The following PALLD variants were observed in gnomAD, a reference collection of about 807,000 sequenced individuals.
The protein encoded by PALLD is palladin.
PALLD carries 61 observed loss-of-function variants against 123.5 expected under a neutral mutation model. The observed-to-expected ratio is 0.49, with a 90% CI of 0.40 to 0.61. The LOEUF (loss-of-function observed/expected upper bound fraction) is 0.61. Ranked by LOEUF, PALLD falls within the 20% of genes least tolerant of loss-of-function variation. The pLI, the probability that PALLD is intolerant of heterozygous loss-of-function variation, is 0.00. For missense variants in PALLD, 1,273 were observed against 1,377.0 expected (o/e 0.92, Z 1.20); for synonymous variants, 465 against 496.4 (o/e 0.94, Z 0.84).
chr4:168,813,656 C>T (rs973655279), intron 10 of PALLD, among the ~76,000 whole-genome samples: 1 of 152,158 alleles, frequency 6.6e-6, no homozygotes, highest in African/African-American at 2.4e-5. Context: ...TTGGGGGTCT[C>T]ACTGTGTTGC....
At chr4:168,783,144 A>G (rs1736191213) in intron 10 of PALLD, among the ~76,000 whole-genome samples, 1 of 151,998 alleles carries the variant, frequency 6.6e-6, no homozygotes. Context: ...GCAGAAAGCA[A>G]AAGATACCTT....
chr4:168,762,568 C>T (rs1733096764), intron 10 of PALLD, among the ~76,000 whole-genome samples: 1 of 152,212 alleles, frequency 6.6e-6, no homozygotes, highest in African/African-American at 2.4e-5. Flanking sequence ...TGCTTTTACA[C>T]TGTTGGTGGG....
intron 10 of PALLD, among the ~76,000 whole-genome samples, chr4:168,819,914 G>C (rs910596346): frequency 5.3e-5 from 8 of 152,176 alleles, no homozygotes; most frequent in Non-Finnish European, 1.0e-4. Context: ...AATCGTGCAG[G>C]GTCTCATAAA....
chr4:168,552,335 A>G (rs1766823920), intron 2 of PALLD, among the ~76,000 whole-genome samples: 1 of 152,134 alleles, frequency 6.6e-6, no homozygotes. Context: ...GTTGGTGAGA[A>G]ACAAGCAGGT....
chr4:168,600,074 C>CACACATATATACATACATGTGTAT lies in PALLD; in HGVS notation c.909-68111_909-68110insTATATACATACATGTGTATACACA, dbSNP rs1561291315. Among the ~76,000 whole-genome samples, 167 of 64,508 alleles carry CACACATATATACATACATGTGTAT rather than the reference C, an allele frequency of 2.6e-3. 4 individuals are homozygous for CACACATATATACATACATGTGTAT. Among genetic ancestry groups the CACACATATATACATACATGTGTAT allele is most frequent in the African/African-American group, 9.0e-3 (162 of 17,942 alleles). The allele number at this position is 64,508 out of a possible 152,430, so 42.3% of individuals were successfully genotyped here. ...ACACATATATACATACATGTGTATA[C>CACACATATATACATACATGTGTAT]ACACACATATATACATGCATGTGTA... On this transcript the variant is annotated intron_variant, in intron 2 of 21. Coordinates refer to ENST00000505667, the MANE Select transcript of PALLD (RefSeq NM_001166108.2).
At chr4:168,758,050 G>A (rs940933994) in intron 10 of PALLD, among the ~76,000 whole-genome samples, 3 of 152,158 alleles carry the variant, frequency 2.0e-5, no homozygotes, top group Admixed American at 6.5e-5. Context: ...CAGCCTGGGC[G>A]ACAGAGCGAG....
chr4:168,684,564 C>T (rs1033826446), intron 5 of PALLD, among the ~76,000 whole-genome samples: 2 of 152,148 alleles, frequency 1.3e-5, no homozygotes, highest in Non-Finnish European at 2.9e-5. Context: ...TCCTGAAGAT[C>T]CAGTGAGTTA....
At chr4:168,883,222 T>C (rs2151150352) in intron 10 of PALLD, among the ~76,000 whole-genome samples, 1 of 152,354 alleles carries the variant, frequency 6.6e-6, no homozygotes, top group East Asian at 1.9e-4. Flanking sequence ...AAGTTACCCA[T>C]TTTTTGTACT....
intron 2 of PALLD, among the ~76,000 whole-genome samples, chr4:168,588,654 C>A (rs951928173): frequency 6.6e-6 from 1 of 152,064 alleles, no homozygotes; most frequent in South Asian, 2.1e-4. Context: ...GTGATCTGCC[C>A]GCCTCAGCCT....
At chr4:168,621,371 T>C (rs1347838686) in intron 2 of PALLD, among the ~76,000 whole-genome samples, 1 of 152,220 alleles carries the variant, frequency 6.6e-6, no homozygotes, top group Non-Finnish European at 1.5e-5. Context: ...CTAGAGTTTA[T>C]TTCTGGAGAG....
chr4:168,871,477 A>C (rs1348051406), intron 10 of PALLD, among the ~76,000 whole-genome samples: 1 of 150,366 alleles, frequency 6.7e-6, no homozygotes, highest in Non-Finnish European at 1.5e-5. Flanking sequence ...CAAGCATTGA[A>C]AAAAAAAAGG....
chr4:168,662,729 G>T (rs141089893), intron 2 of PALLD, among the ~76,000 whole-genome samples: 1 of 152,314 alleles, frequency 6.6e-6, no homozygotes, highest in East Asian at 1.9e-4. Context: ...CCTCTTTAGA[G>T]AATAGTAAAT....
intron 10 of PALLD, among the ~76,000 whole-genome samples, chr4:168,735,903 A>G (rs916046106): frequency 6.6e-6 from 1 of 151,998 alleles, no homozygotes; most frequent in Non-Finnish European, 1.5e-5. Flanking sequence ...TTTCATTGCC[A>G]CTCTGTGAAA....
At chr4:168,561,824 T>G (rs1454525933) in intron 2 of PALLD, among the ~76,000 whole-genome samples, 1 of 152,150 alleles carries the variant, frequency 6.6e-6, no homozygotes, top group Non-Finnish European at 1.5e-5. Flanking sequence ...GAGGCCAGTA[T>G]TGAGACTTCA....
intron 8 of PALLD, among the ~76,000 whole-genome samples, chr4:168,703,631 G>C (rs1167102787): frequency 7.6e-6 from 1 of 131,882 alleles, no homozygotes. Context: ...TCTCATTGTG[G>C]TTTTGATTTG....
chr4:168,823,214 A>T (rs990406349), intron 10 of PALLD, among the ~76,000 whole-genome samples: 2 of 152,138 alleles, frequency 1.3e-5, no homozygotes. Flanking sequence ...AGCCCTGCCC[A>T]CTGAACCTAA....
rs549591072 is a variant in PALLD at position 168,711,917 on chromosome 4, C to G, written c.1958C>G (p.Pro653Arg). Residue 653 changes from proline to arginine, a missense_variant, in exon 10 of 22, where the codon CCA (proline) becomes CGA (arginine). Pro to Arg is a moderately radical substitution (Grantham distance 103). Around this residue, in one of 2 missense-constraint regions of PALLD, gnomAD observed 944 missense variants for 954.5 expected, o/e 0.99. Transcript: ENST00000505667. ...TKEPPPLLAK[P>R]KLGFPKKASR... is the part of the protein sequence containing the mutation. Reference sequence around the variant, plus strand: ...GAGCCACCACCTCTGCTTGCCAAACCAAAACTGTGAGTATTTCTGCATGGT... The same window carrying G: ...GAGCCACCACCTCTGCTTGCCAAACGAAAACTGTGAGTATTTCTGCATGGT... 6.2e-6 allele frequency: 10 copies of G among 1,610,978 alleles called. No individual in the cohort carries two copies. Among genetic ancestry groups the G allele is most frequent in the Non-Finnish European group, 7.6e-6 (9 of 1,177,222 alleles).
intron 10 of PALLD, among the ~76,000 whole-genome samples, chr4:168,804,507 T>A (rs1476565088): frequency 6.6e-6 from 1 of 152,204 alleles, no homozygotes; most frequent in African/African-American, 2.4e-5. Flanking sequence ...CCTCTGCCAG[T>A]ATGTGATGTT....
rs976793609 is a variant in PALLD at position 168,708,911 on chromosome 4, T to C, written c.1502-117T>C. 1.1e-5 allele frequency: 10 copies of C among 919,662 alleles called. No homozygotes were observed. In the African/African-American group the frequency reaches 1.6e-4, roughly 15 times the overall value. The allele number at this position is 919,662 out of a possible 1,614,324, so 57.0% of individuals were successfully genotyped here. ...TTCTATTGTAAACACTTTTGTAAAGTGAATCTGTAATAATCATAACCTAAT... is the reference window on the plus strand; with the variant it reads ...TTCTATTGTAAACACTTTTGTAAAGCGAATCTGTAATAATCATAACCTAAT... On this transcript the variant is annotated intron_variant, in intron 8 of 21. Transcript: ENST00000505667.
Sources: allele counts gnomAD v4.1 joint callset (sites outside exome capture counted in the v4.1 genomes callset), GRCh38; gene constraint gnomAD v4.1.1; regional missense constraint gnomAD v4.1.1; transcripts MANE v1.5; gene names NCBI Gene and HGNC (gene_info 2026-07-23, HGNC 2026-07-21).